POPDC1: variants seen among roughly 807,000 people sequenced by gnomAD.
POPDC1 encodes the protein popeye domain-containing protein 1.
At chr6:105,106,229 T>C in the POPDC1 span, among the ~76,000 whole-genome samples, 2 of 152,214 alleles carry the variant, frequency 1.3e-5, no homozygotes, top group African/African-American at 4.8e-5. Flanking sequence ...CAAGAGTTAC[T>C]GTTGCTGGAG....
chr6:105,119,819 G>A, the POPDC1 span, among the ~76,000 whole-genome samples: 3 of 152,322 alleles, frequency 2.0e-5, no homozygotes, highest in African/African-American at 7.2e-5. Context: ...CTTTTACAAT[G>A]ACACTGTAAT....
chr6:105,107,921 A>G, the POPDC1 span, among the ~76,000 whole-genome samples: 2 of 152,194 alleles, frequency 1.3e-5, no homozygotes, highest in Non-Finnish European at 2.9e-5. Context: ...AATACTAAAG[A>G]GTAGCTTTGG....
the POPDC1 span, chr6:105,100,908 C>G: frequency 1.9e-6 from 1 of 524,004 alleles, no homozygotes; most frequent in Non-Finnish European, 3.1e-6. Flanking sequence ...TAAAAGCTGA[C>G]TAATAAAAAG....
At chr6:105,114,030 C>G in the POPDC1 span, among the ~76,000 whole-genome samples, 1 of 151,986 alleles carries the variant, frequency 6.6e-6, no homozygotes, top group East Asian at 1.9e-4. Flanking sequence ...GGTGATCTCC[C>G]AAAATATTAA....
chr6:105,120,445 A>G, the POPDC1 span, among the ~76,000 whole-genome samples: 2 of 152,372 alleles, frequency 1.3e-5, no homozygotes, highest in South Asian at 2.1e-4. Flanking sequence ...TTTTATGAGA[A>G]TATCTTATAA....
At chr6:105,129,363 TA>T in the POPDC1 span, 1 of 1,584,096 alleles carries the variant, frequency 6.3e-7, no homozygotes, top group Non-Finnish European at 8.6e-7. Flanking sequence ...CCTTATTAAT[TA>T]ATTTTAATAA....
chr6:105,102,828 A>C, the POPDC1 span, among the ~76,000 whole-genome samples: 2 of 152,208 alleles, frequency 1.3e-5, no homozygotes, highest in African/African-American at 4.8e-5. Flanking sequence ...TCTAACATAA[A>C]AAAATATGCA....
chr6:105,137,153 T>A, the POPDC1 span: 3 of 151,300 alleles, frequency 2.0e-5, no homozygotes, highest in African/African-American at 7.3e-5. Context: ...GCAGCCGCTT[T>A]GACTAAAATA....
the POPDC1 span, among the ~76,000 whole-genome samples, chr6:105,102,003 G>A: frequency 1.1e-3 from 175 of 152,244 alleles, no homozygotes; most frequent in African/African-American, 3.8e-3. Context: ...GGCCTCTCAA[G>A]GTGCCTAATG....
chr6:105,116,657 C>T, the POPDC1 span: 6 of 1,460,140 alleles, frequency 4.1e-6, no homozygotes, highest in East Asian at 4.6e-5. Context: ...AAATATACCT[C>T]ATATACATAT....
At chr6:105,107,982 C>T in the POPDC1 span, among the ~76,000 whole-genome samples, 1 of 152,118 alleles carries the variant, frequency 6.6e-6, no homozygotes, top group East Asian at 1.9e-4. Context: ...CACTGAGGAA[C>T]TCAGGCAAAG....
chr6:105,130,642 G>A, the POPDC1 span, among the ~76,000 whole-genome samples: 3 of 152,090 alleles, frequency 2.0e-5, no homozygotes, highest in East Asian at 1.9e-4. Context: ...GAGACTATAC[G>A]TACATAAACC....
the POPDC1 span, among the ~76,000 whole-genome samples, chr6:105,106,019 C>T: frequency 1.3e-5 from 2 of 152,122 alleles, no homozygotes; most frequent in Admixed American, 6.5e-5. Context: ...ACTATTTTTA[C>T]AGTTGGGAGG....
At chr6:105,128,481 G>T in the POPDC1 span, among the ~76,000 whole-genome samples, 140,273 of 152,188 alleles carry the variant, frequency 0.92, 64,800 homozygotes, top group Non-Finnish European at 0.96. Context: ...GCTGCCAGAG[G>T]CAAGATACAA....
At chr6:105,124,828 C>T in the POPDC1 span, among the ~76,000 whole-genome samples, 9 of 152,132 alleles carry the variant, frequency 5.9e-5, no homozygotes, top group East Asian at 1.2e-3. Flanking sequence ...CAAAAAATAA[C>T]GTTAGAAAAA....
At chr6:105,118,860 A>G in the POPDC1 span, among the ~76,000 whole-genome samples, 1 of 152,142 alleles carries the variant, frequency 6.6e-6, no homozygotes, top group Admixed American at 6.5e-5. Context: ...ACAAACACAT[A>G]TTAATTAGTG....
the POPDC1 span, among the ~76,000 whole-genome samples, chr6:105,105,128 A>G: frequency 4.6e-5 from 7 of 152,204 alleles, no homozygotes; most frequent in Admixed American, 4.6e-4. Context: ...ATTTTTCTGC[A>G]AAAGTTCTTG....
At chr6:105,115,210 C>T in the POPDC1 span, among the ~76,000 whole-genome samples, 156 of 152,356 alleles carry the variant, frequency 1.0e-3, 1 homozygote, top group South Asian at 7.5e-3. Context: ...CCTCAGCCTC[C>T]CGAGTAGCCA....
chr6:105,111,113 G>A, the POPDC1 span, among the ~76,000 whole-genome samples: 3 of 151,940 alleles, frequency 2.0e-5, no homozygotes, highest in Non-Finnish European at 4.4e-5. Flanking sequence ...AAAAAGACAC[G>A]GTTTAAACTA....
Sources: allele counts gnomAD v4.1 joint callset (sites outside exome capture counted in the v4.1 genomes callset), GRCh38; gene constraint gnomAD v4.1.1; transcripts MANE v1.5; gene names NCBI Gene and HGNC (gene_info 2026-07-23, HGNC 2026-07-21).